The following MSH4 variants were observed in gnomAD, a reference collection of about 807,000 sequenced individuals.
The protein encoded by MSH4 is mutS homolog 4.
A neutral mutation model predicts 113.7 loss-of-function variants in MSH4; 106 were observed. The ratio of observed to expected loss-of-function variants is 0.93; its 90% CI spans 0.80 to 1.10. The LOEUF (loss-of-function observed/expected upper bound fraction) is 1.10. MSH4 is among the 50% of genes least tolerant of loss of function. The probability of loss-of-function intolerance (pLI) is 0.00; values close to 1 mark genes in which losing one functional copy is unlikely to be tolerated. For missense variants in MSH4, 1,061 were observed against 1,093.7 expected (o/e 0.97, Z 0.42); for synonymous variants, 368 against 380.2 (o/e 0.97, Z 0.37).
intron 3 of MSH4, among the ~76,000 whole-genome samples, chr1:75,807,826 G>A (rs1022059837): frequency 6.6e-6 from 1 of 152,138 alleles, no homozygotes; most frequent in African/African-American, 2.4e-5. Flanking sequence ...AGTCTGAGTG[G>A]ACTAGGCGGT....
rs571761055 is a variant in MSH4 at position 75,896,394 on chromosome 1, C to CACACACACACACACACAT, written c.2356-1513_2356-1512insACACACACACACACACAT. ...ACACACACACACACACACACACACA[C>CACACACACACACACACAT]CCTATTGGTCTCTTTCTCTGGAGAA... On this transcript the variant is annotated intron_variant, in intron 17 of 19. Transcript: ENST00000263187. Among the ~76,000 whole-genome samples, 341 of 147,286 alleles carry CACACACACACACACACAT rather than the reference C, an allele frequency of 2.3e-3. 8 individuals carry two copies. The highest frequency in any genetic ancestry group is 3.7e-3 in the Non-Finnish European group (247 of 66,622).
At chr1:75,810,441 G>C (rs1485350989) in intron 3 of MSH4, among the ~76,000 whole-genome samples, 1 of 130,942 alleles carries the variant, frequency 7.6e-6, no homozygotes, top group African/African-American at 2.7e-5. Context: ...TTTTAGTAGA[G>C]ACAGGGTTTC....
chr1:75,869,156 T>A (rs369618380), intron 9 of MSH4, among the ~76,000 whole-genome samples: 2 of 152,194 alleles, frequency 1.3e-5, no homozygotes, highest in Non-Finnish European at 1.5e-5. Context: ...CAGATGGAGA[T>A]GAGGGATTTT....
At chr1:75,878,030 A>T in intron 10 of MSH4, 119 bp from the exon 11 acceptor site, 1 of 678,116 alleles carries the variant, frequency 1.5e-6, no homozygotes, top group Non-Finnish European at 2.5e-6. Context: ...TTGCTTAATT[A>T]GTTATTTCAA....
chr1:75,908,289 G>T (rs1356833619), intron 19 of MSH4, among the ~76,000 whole-genome samples: 1 of 151,544 alleles, frequency 6.6e-6, no homozygotes, highest in East Asian at 2.0e-4. Context: ...GGGATTACAG[G>T]TGTGCACCAC....
intron 15 of MSH4, among the ~76,000 whole-genome samples, chr1:75,886,653 T>C (rs1473886687): frequency 7.6e-6 from 1 of 131,748 alleles, no homozygotes; most frequent in Non-Finnish European, 1.5e-5. Flanking sequence ...TGTATAAATA[T>C]AGAAATATAT....
intron 7 of MSH4, among the ~76,000 whole-genome samples, chr1:75,826,130 C>T (rs928771375): frequency 2.0e-5 from 3 of 152,104 alleles, no homozygotes; most frequent in Non-Finnish European, 4.4e-5. Flanking sequence ...TAATTACTCC[C>T]TCAATTTCAG....
intron 16 of MSH4, among the ~76,000 whole-genome samples, chr1:75,889,780 TC>T (rs1652211065): frequency 6.6e-6 from 1 of 152,092 alleles, no homozygotes; most frequent in South Asian, 2.1e-4. Context: ...GAATTTTCAC[TC>T]CCTGTACCAA....
chr1:75,910,086 G>T (rs1489842600), intron 19 of MSH4, among the ~76,000 whole-genome samples: 3 of 151,728 alleles, frequency 2.0e-5, no homozygotes, highest in Non-Finnish European at 4.4e-5. Flanking sequence ...CTAAAATTCT[G>T]CCTGTTTACT....
intron 7 of MSH4, 35 bp from the exon 8 acceptor site, chr1:75,848,174 A>G: frequency 7.1e-7 from 1 of 1,400,552 alleles, no homozygotes; most frequent in Non-Finnish European, 1.0e-6. Context: ...CTGTACCATA[A>G]AGTTTAAATA....
At chr1:75,854,411 A>G (rs1400668235) in intron 8 of MSH4, among the ~76,000 whole-genome samples, 2 of 152,048 alleles carry the variant, frequency 1.3e-5, no homozygotes, top group Admixed American at 6.6e-5. Context: ...CTGCCCTTCT[A>G]CGCAGAGGAG....
intron 17 of MSH4, among the ~76,000 whole-genome samples, 154 bp downstream of exon 17, chr1:75,890,978 A>G (rs555416559): frequency 3.9e-5 from 6 of 152,274 alleles, no homozygotes; most frequent in South Asian, 2.1e-4. Flanking sequence ...TTCATTTCCA[A>G]TGAAAGTGGG....
chr1:75,874,591 G>A (rs1478003323), intron 9 of MSH4, among the ~76,000 whole-genome samples: 2 of 152,078 alleles, frequency 1.3e-5, no homozygotes, highest in African/African-American at 2.4e-5. Flanking sequence ...TGAGTCACTG[G>A]GATTACAGGT....
intron 7 of MSH4, among the ~76,000 whole-genome samples, chr1:75,832,102 A>G (rs561728333): frequency 6.6e-6 from 1 of 152,352 alleles, no homozygotes; most frequent in African/African-American, 2.4e-5. Flanking sequence ...GATAAAGTGG[A>G]TATTACCACC....
chr1:75,872,955 A>G (rs1459518422), intron 9 of MSH4, among the ~76,000 whole-genome samples: 5 of 152,212 alleles, frequency 3.3e-5, no homozygotes, highest in Admixed American at 1.3e-4. Context: ...ACTACAGCTG[A>G]TGAAGCAGCC....
At chr1:75,886,705 ATATT>A in intron 15 of MSH4, among the ~76,000 whole-genome samples, 1 of 134,972 alleles carries the variant, frequency 7.4e-6, no homozygotes, top group East Asian at 2.2e-4. Flanking sequence ...ATATATAAAT[ATATT>A]ATATATAAAT....
chr1:75,798,203 C>T (rs1557485964), intron 1 of MSH4, among the ~76,000 whole-genome samples: 1 of 152,178 alleles, frequency 6.6e-6, no homozygotes, highest in South Asian at 2.1e-4. Context: ...CTCAAGTGCT[C>T]CTGCCTCGGT....
Position 75,810,751 on chromosome 1 carries a change from G to T in MSH4, c.643G>T (p.Ala215Ser), listed in dbSNP as rs1201231858. The T allele has an allele frequency of 6.3e-7, 1 of 1,590,716 alleles. No homozygotes were observed. The highest frequency in any genetic ancestry group is 1.4e-5 in the African/African-American group (1 of 73,418). The change falls in exon 4 of 20, where the codon GCT (alanine) becomes TCT (serine). Residue 215 changes from alanine (A) to serine (S), a missense_variant. By Grantham distance (99) the Ala-to-Ser change is moderately conservative. Coordinates refer to ENST00000263187, the MANE Select transcript of MSH4 (RefSeq NM_002440.4). ...SPLEIIMSNT[A>S]CAVGNSTKLF... ...TTTGGAAATAATAATGTCAAATACTGCTTGTGCTGTGGGGAATTCCACCAA... is the reference window on the plus strand; with the variant it reads ...TTTGGAAATAATAATGTCAAATACTTCTTGTGCTGTGGGGAATTCCACCAA...
chr1:75,808,246 C>T (rs1650111114), intron 3 of MSH4, among the ~76,000 whole-genome samples: 1 of 152,118 alleles, frequency 6.6e-6, no homozygotes, highest in South Asian at 2.1e-4. Flanking sequence ...CAGACAATTA[C>T]CAACCATAGT....
Sources: gnomAD v4.1 joint callset for allele counts (sites outside exome capture counted in the v4.1 genomes callset) on GRCh38, gnomAD v4.1.1 for gene constraint, MANE v1.5 for transcripts, NCBI Gene and HGNC (gene_info 2026-07-23, HGNC 2026-07-21) for gene names.